Variants in ORC6 observed in about 807,000 individuals in gnomAD.
The protein encoded by ORC6 is origin recognition complex subunit 6.
Under a neutral mutation model 30.0 loss-of-function variants are expected in ORC6, and 31 were observed. That is an observed-to-expected ratio of 1.03 (90% CI 0.78 to 1.40). The LOEUF (loss-of-function observed/expected upper bound fraction) is 1.40. Among genes scored for constraint, ORC6 ranks in the 40% most tolerant of loss-of-function variants. The pLI, the probability that ORC6 is intolerant of heterozygous loss-of-function variation, is 0.00. For synonymous variants in ORC6, 136 were observed against 111.2 expected (o/e 1.22, Z -1.40); for missense variants, 340 against 304.3 (o/e 1.12, Z -0.87).
intron 5 of ORC6, 133 bp from the exon 6 acceptor site, chr16:46,695,884 G>A (rs1030408137): frequency 3.9e-6 from 3 of 779,014 alleles, no homozygotes; most frequent in Non-Finnish European, 6.7e-6. Flanking sequence ...GCCCAAAAGA[G>A]AGGTCTAAGA....
intron 6 of ORC6, chr16:46,696,324 G>A (rs1966517045): frequency 3.7e-6 from 2 of 540,854 alleles, no homozygotes; most frequent in Admixed American, 5.9e-5. Context: ...GGGAGGCTGA[G>A]GCGGGAGGAT....
At chr16:46,690,551 GGGTCCC>G in intron 1 of ORC6, among the ~76,000 whole-genome samples, 7 of 152,280 alleles carry the variant, frequency 4.6e-5, no homozygotes, top group African/African-American at 1.7e-4. Flanking sequence ...ACAAATTCTT[GGGTCCC>G]ACCTCAAGCC....
rs775835284 is a variant in ORC6 at position 46,698,266 on chromosome 16, T to C, written c.*681T>C. On this transcript the variant is annotated 3_prime_UTR_variant, in exon 7 of 7. Transcript: ENST00000219097. Reference sequence around the variant, plus strand: ...AAGTGAATGGCAGTCCCTTGTCTTATTCAGAATATAAAATTCAGTCTGAAT... The same window carrying C: ...AAGTGAATGGCAGTCCCTTGTCTTACTCAGAATATAAAATTCAGTCTGAAT... 6 of 455,254 alleles carry C rather than the reference T, an allele frequency of 1.3e-5. No homozygotes were observed. Among genetic ancestry groups the C allele is most frequent in the South Asian group, 7.8e-5 (5 of 64,400 alleles). 28.2% of individuals were successfully genotyped at this position (455,254 alleles called of 1,614,324 possible). A position where few individuals can be genotyped will look rare whatever the true frequency, so the allele number is the denominator to read the frequency against.
In ORC6 at chr16:46,698,183, G is replaced by GATGGATAGATAGATAGATA. The variant is rs1966543675; in HGVS notation, c.*598_*599insATGGATAGATAGATAGATA. 244 of 430,546 alleles carry GATGGATAGATAGATAGATA rather than the reference G, an allele frequency of 5.7e-4. No homozygotes were observed. The highest frequency in any genetic ancestry group is 1.5e-3 in the Middle Eastern group (2 of 1,346). 26.7% of individuals were successfully genotyped at this position (430,546 alleles called of 1,614,324 possible). Reference sequence around the variant, plus strand: ...CTTATAGATAGATAGATAGATAGATGGATAGATAGATAGATAGATAGATAG... The same window carrying GATGGATAGATAGATAGATA: ...CTTATAGATAGATAGATAGATAGATGATGGATAGATAGATAGATAGATAGATAGATAGATAGATAGATAG... On this transcript the variant is annotated 3_prime_UTR_variant, in exon 7 of 7. Coordinates refer to ENST00000219097, the MANE Select transcript of ORC6 (RefSeq NM_014321.4).
At position 46,689,705 on chromosome 16, in the gene ORC6, C is replaced by T. The variant is rs1342544758; in HGVS notation, c.-1C>T. On this transcript the variant is annotated 5_prime_UTR_variant, in exon 1 of 7. Coordinates refer to ENST00000219097, the MANE Select transcript of ORC6 (RefSeq NM_014321.4). ...GAATTGTTCGCTTTAGTGCCGGCGC[C>T]ATGGGGTCGGAGCTGATCGGGCGCC... 4 of 1,600,536 alleles carry T rather than the reference C, an allele frequency of 2.5e-6. No individual in the cohort carries two copies. Among genetic ancestry groups the T allele is most frequent in the African/African-American group, 1.3e-5 (1 of 74,826 alleles).
chr16:46,693,141 C>G lies in ORC6; in HGVS notation c.408C>G (p.Ser136=), dbSNP rs1194808439. 6.2e-7 allele frequency: 1 copy of G among 1,613,416 alleles called. No individual in the cohort carries two copies. The highest frequency in any genetic ancestry group is 1.7e-5 in the Admixed American group (1 of 60,028). Residue 136 remains serine (S), a synonymous_variant, in exon 4 of 7, where the codon TCC becomes TCG. Transcript: ENST00000219097. ...PQTQQVDLDL[S]RPLFTSAALL... is the part of the protein sequence containing the mutation. ...CACAGCAAGTGGATCTTGACTTATC[C>G]AGGCCACTTTTCACTTCTGCTGCAC... is the stretch of plus-strand genomic sequence containing the variant.
chr16:46,692,495 A>C lies in ORC6; in HGVS notation c.309A>C (p.Val103=). 1 of 1,613,872 alleles carries C rather than the reference A, an allele frequency of 6.2e-7. No individual in the cohort carries two copies. Among genetic ancestry groups the C allele is most frequent in the East Asian group, 2.2e-5 (1 of 44,886 alleles). ...ATATTGGAATAAGAGACCTAGCTGTACAGTTTAGCTGTATAGAAGCAGTGA... is the reference window on the plus strand; with the variant it reads ...ATATTGGAATAAGAGACCTAGCTGTCCAGTTTAGCTGTATAGAAGCAGTGA... ...NSNIGIRDLA[V]QFSCIEAVNM... The change falls in exon 3 of 7, where the codon GTA becomes GTC. Residue 103 remains valine, a synonymous_variant. Transcript: ENST00000219097.
intron 3 of ORC6, 95 bp downstream of exon 3, chr16:46,692,640 T>A (rs1966459575): frequency 1.9e-6 from 2 of 1,074,516 alleles, no homozygotes; most frequent in African/African-American, 1.5e-5. Flanking sequence ...GAGGCCAAGT[T>A]GGGTGGATCA....
chr16:46,691,958 A>ACACACACACACACACACACT, intron 2 of ORC6, among the ~76,000 whole-genome samples: 7 of 36,658 alleles, frequency 1.9e-4, no homozygotes, highest in African/African-American at 2.9e-4. Context: ...ACACACACAC[A>ACACACACACACACACACACT]CTCTCTCTCT....
rs1349856290 is a variant in ORC6, at chr16:46,691,121, G to C, written c.195+1G>C. Reference sequence around the variant, plus strand: ...CTGGATGAAGTGCCCCTTGGACAGGGTAAGTAGGTCCCACCGAATGTCTGA... The same window carrying C: ...CTGGATGAAGTGCCCCTTGGACAGGCTAAGTAGGTCCCACCGAATGTCTGA... On this transcript the variant is annotated splice_donor_variant, in intron 2 of 6. Coordinates refer to ENST00000219097, the MANE Select transcript of ORC6 (RefSeq NM_014321.4). LOFTEE classifies it high-confidence loss of function. The C allele has an allele frequency of 6.2e-7, 1 of 1,614,052 alleles. No homozygotes were observed. Among genetic ancestry groups the C allele is most frequent in the Admixed American group, 1.7e-5 (1 of 60,022 alleles).
At position 46,691,099 on chromosome 16, in the gene ORC6, G is replaced by T; in HGVS notation, c.174G>T (p.Trp58Cys). Residue 58 changes from tryptophan (W) to cysteine (C), a missense_variant, in exon 2 of 7, where the codon TGG (tryptophan) becomes TGT (cysteine). Trp to Cys is a radical substitution (Grantham distance 215). Coordinates refer to ENST00000219097, the MANE Select transcript of ORC6 (RefSeq NM_014321.4). ...TGTGCCTGGACCTTGCAGCTTCCTG[G>T]ATGAAGTGCCCCTTGGACAGGGTAA... The part of the protein sequence containing the change: ...AVMCLDLAAS[W>C]MKCPLDRAYL... The T allele has an allele frequency of 6.2e-7, 1 of 1,614,216 alleles. No homozygotes were observed. The highest frequency in any genetic ancestry group is 2.2e-5 in the East Asian group (1 of 44,888).
At chr16:46,691,960 T>A (rs140248958) in intron 2 of ORC6, among the ~76,000 whole-genome samples, 14 of 16,492 alleles carry the variant, frequency 8.5e-4, no homozygotes, top group South Asian at 2.1e-3. Context: ...ACACACACAC[T>A]CTCTCTCTCT....
chr16:46,692,245 G>T, intron 2 of ORC6, 137 bp from the exon 3 acceptor site: 1 of 688,244 alleles, frequency 1.5e-6, no homozygotes, highest in Non-Finnish European at 2.5e-6. Context: ...ACTAAATGAA[G>T]CTAAACCTTT....
chr16:46,690,915 G>T (rs1044876064), intron 1 of ORC6, 76 bp from the exon 2 acceptor site: 12 of 1,494,342 alleles, frequency 8.0e-6, no homozygotes, highest in African/African-American at 1.4e-5. Context: ...AGCTAACCAG[G>T]CTGTATTCAT....
chr16:46,696,684 C>T lies in ORC6; in HGVS notation c.631+599C>T, dbSNP rs114020102. Among the ~76,000 whole-genome samples the T allele has an allele frequency of 8.4e-3, 1,285 of 152,246 alleles. 25 individuals are homozygous for T. Among genetic ancestry groups the T allele is most frequent in the African/African-American group, 0.029 (1,217 of 41,532 alleles). On this transcript the variant is annotated intron_variant, in intron 6 of 6. Transcript: ENST00000219097. Reference sequence around the variant, plus strand: ...GGTTTCTCTTTTTCTGAGACATGGCCTGGTTCTCTCACCCATGCTAGAGTG... The same window carrying T: ...GGTTTCTCTTTTTCTGAGACATGGCTTGGTTCTCTCACCCATGCTAGAGTG...
rs751688793 is a variant in ORC6, at chr16:46,697,853, G to A, written c.*268G>A. 43 of 513,162 alleles carry A rather than the reference G, an allele frequency of 8.4e-5. No individual in the cohort carries two copies. Among genetic ancestry groups the A allele is most frequent in the Non-Finnish European group, 1.3e-4 (35 of 266,366 alleles). 31.8% of individuals were successfully genotyped at this position (513,162 alleles called of 1,614,324 possible). ...TTGGAGGCCGGGCGCAGTGGCTCAC[G>A]CCTGTAATCCCAGCACTTTGGGAGG... On this transcript the variant is annotated 3_prime_UTR_variant, in exon 7 of 7. Coordinates refer to ENST00000219097, the MANE Select transcript of ORC6 (RefSeq NM_014321.4).
chr16:46,697,225 C>G (rs1966527277), intron 6 of ORC6, among the ~76,000 whole-genome samples: 1 of 152,104 alleles, frequency 6.6e-6, no homozygotes, highest in African/African-American at 2.4e-5. Context: ...ATAGTCCCAG[C>G]CACGGTCCCA....
Position 46,695,608 on chromosome 16 carries a change from G to A in ORC6, c.496G>A (p.Gly166Ser), listed in dbSNP as rs1966509494. 6 of 1,613,684 alleles carry A rather than the reference G, an allele frequency of 3.7e-6. No homozygotes were observed. The highest frequency in any genetic ancestry group is 5.1e-6 in the Non-Finnish European group (6 of 1,179,662). Residue 166 changes from glycine to serine, a missense_variant, in exon 5 of 7, where the codon GGT becomes AGT. By Grantham distance (56) the Gly-to-Ser change is moderately conservative. Coordinates refer to ENST00000219097, the MANE Select transcript of ORC6 (RefSeq NM_014321.4). ...TAAAAACAAAATGGTAGCCACATCCGGTGTAAAAAAAGCTATATTTGATCG... is the reference window on the plus strand; with the variant it reads ...TAAAAACAAAATGGTAGCCACATCCAGTGTAAAAAAAGCTATATTTGATCG... Reference protein sequence around the residue: ...VDKNKMVATSGVKKAIFDRLC... With the variant: ...VDKNKMVATSSVKKAIFDRLC...
chr16:46,690,033 A>G (rs1966413215), intron 1 of ORC6, among the ~76,000 whole-genome samples: 1 of 152,252 alleles, frequency 6.6e-6, no homozygotes, highest in Non-Finnish European at 1.5e-5. Context: ...TGAGCCAGGG[A>G]GAACTTTCCG....
Sources: allele counts gnomAD v4.1 joint callset (sites outside exome capture counted in the v4.1 genomes callset), GRCh38; gene constraint gnomAD v4.1.1; transcripts MANE v1.5; gene names NCBI Gene and HGNC (gene_info 2026-07-23, HGNC 2026-07-21).